The following AFF3 variants were observed in gnomAD, a reference collection of about 807,000 sequenced individuals.
AFF3 encodes the protein ALF transcription elongation factor 3.
In AFF3, 32 loss-of-function variants were observed where a neutral mutation model predicts 129.7. The observed-to-expected ratio is 0.25, with a 90% CI of 0.19 to 0.33. The LOEUF (loss-of-function observed/expected upper bound fraction) is 0.33. AFF3 is among the 10% of genes least tolerant of loss of function. The probability of loss-of-function intolerance (pLI) is 1.00; values close to 1 mark genes in which losing one functional copy is unlikely to be tolerated. For synonymous variants in AFF3, 644 were observed against 635.4 expected, an observed-to-expected ratio of 1.01 and a Z score of -0.20; for missense variants, 1,373 against 1,592.0, an observed-to-expected ratio of 0.86 and a Z score of 2.34.
intron 7 of AFF3, among the ~76,000 whole-genome samples, chr2:99,864,640 G>C (rs941408050): frequency 1.3e-5 from 2 of 152,138 alleles, no homozygotes; most frequent in African/African-American, 2.4e-5. Flanking sequence ...GAAACACTCT[G>C]CTGCGACTGG....
At chr2:99,720,253 G>A (rs1678775285) in intron 11 of AFF3, among the ~76,000 whole-genome samples, 2 of 152,132 alleles carry the variant, frequency 1.3e-5, no homozygotes. Flanking sequence ...GGCCCAGAGG[G>A]TGGTGTCTGG....
rs1676739670 is a variant in AFF3, at chr2:99,700,438, C to T, written c.1091+26639G>A. Among the ~76,000 whole-genome samples, 4 of 152,174 alleles carry T rather than the reference C, an allele frequency of 2.6e-5. No individual in the cohort carries two copies. In the South Asian group the frequency reaches 6.2e-4, roughly 24 times the overall value. On this transcript the variant is annotated intron_variant, in intron 11 of 24. Coordinates refer to ENST00000672756, the MANE Select transcript of AFF3 (RefSeq NM_001386135.1). ...CTGGCCAAAGCCTCTGTTTTATTGG[C>T]TTCTCTTTGGTGCTCAAAATTCCCA... is the stretch of plus-strand genomic sequence containing the variant.
intron 10 of AFF3, among the ~76,000 whole-genome samples, chr2:99,739,147 G>T (rs1262752752): frequency 1.3e-5 from 2 of 151,744 alleles, no homozygotes; most frequent in Non-Finnish European, 2.9e-5. Flanking sequence ...ATGGCCAGGT[G>T]TTCCCATCAC....
chr2:99,628,207 GT>G (rs1226718997), intron 13 of AFF3, among the ~76,000 whole-genome samples: 3 of 152,164 alleles, frequency 2.0e-5, no homozygotes, highest in Admixed American at 2.0e-4. Context: ...AGCATAAAAT[GT>G]TTATTCATTT....
At chr2:100,105,222 C>T in intron 3 of AFF3, 2 of 894,094 alleles carry the variant, frequency 2.2e-6, no homozygotes, top group South Asian at 4.0e-5. Context: ...ATCCACTTGA[C>T]CCTGCTGGGC....
chr2:100,119,615 A>G (rs1298774894), intron 2 of AFF3, among the ~76,000 whole-genome samples: 1 of 152,272 alleles, frequency 6.6e-6, no homozygotes, highest in African/African-American at 2.4e-5. Flanking sequence ...GAGTGTTAAT[A>G]AAGTGGCAGG....
chr2:99,894,726 C>A (rs1226080147), intron 7 of AFF3, among the ~76,000 whole-genome samples: 1 of 152,064 alleles, frequency 6.6e-6, no homozygotes, highest in Admixed American at 6.5e-5. Flanking sequence ...CCGCCTACCT[C>A]GGCCTCCCAA....
intron 8 of AFF3, among the ~76,000 whole-genome samples, chr2:99,775,225 C>T (rs1362577663): frequency 6.6e-6 from 1 of 152,148 alleles, no homozygotes; most frequent in Non-Finnish European, 1.5e-5. Flanking sequence ...CCCAGCAATC[C>T]CATTACTGGG....
intron 4 of AFF3, among the ~76,000 whole-genome samples, chr2:100,074,471 G>A (rs1291012223): frequency 2.0e-5 from 3 of 152,222 alleles, no homozygotes; most frequent in Non-Finnish European, 4.4e-5. Context: ...TTGCACTTAC[G>A]TATATTTATA....
intron 7 of AFF3, among the ~76,000 whole-genome samples, chr2:99,924,085 C>T (rs1696054775): frequency 6.6e-6 from 1 of 152,102 alleles, no homozygotes; most frequent in Non-Finnish European, 1.5e-5. Flanking sequence ...GACATTTCTC[C>T]AACTTAAGCT....
chr2:99,587,418 G>C (rs937466710), intron 15 of AFF3, 140 bp from the exon 16 acceptor site: 26 of 945,588 alleles, frequency 2.7e-5, no homozygotes, highest in African/African-American at 5.0e-5. Context: ...GAGCAGCTGT[G>C]CCCCTGCCAT....
chr2:99,663,005 G>A (rs1686378572), intron 12 of AFF3, among the ~76,000 whole-genome samples: 1 of 152,150 alleles, frequency 6.6e-6, no homozygotes, highest in South Asian at 2.1e-4. Flanking sequence ...CTGATCCTGA[G>A]AAGAAAAATG....
At chr2:100,060,019 T>G (rs1425334218) in intron 4 of AFF3, among the ~76,000 whole-genome samples, 2 of 152,154 alleles carry the variant, frequency 1.3e-5, no homozygotes, top group Non-Finnish European at 2.9e-5. Context: ...TCCACTCGTG[T>G]GCAGTTAGAG....
chr2:99,558,061 G>A (rs944786797), intron 22 of AFF3, among the ~76,000 whole-genome samples: 1 of 152,114 alleles, frequency 6.6e-6, no homozygotes, highest in Non-Finnish European at 1.5e-5. Flanking sequence ...AGTAAAAGGT[G>A]GCATGGTTTG....
intron 4 of AFF3, chr2:100,011,616 C>G (rs776070837): frequency 1.3e-6 from 1 of 779,838 alleles, no homozygotes; most frequent in Non-Finnish European, 2.4e-6. Context: ...CACTTTAAAC[C>G]TGATTAGCCT....
In AFF3 at chr2:100,007,267, G is replaced by A. The variant is rs750894063; in HGVS notation, c.368C>T (p.Ser123Leu). 3.3e-5 allele frequency: 53 copies of A among 1,614,018 alleles called. No individual in the cohort carries two copies. In the Middle Eastern group the frequency reaches 4.9e-4, roughly 15 times the overall value. The stretch of plus-strand genomic sequence containing the variant: ...GGAAGTTGTAGTGCTACAGATAGAC[G>A]AGGGCTGGTTCTGGGCTCTTGAATC... ...VADSRAQNQP[S>L]SICSTTTSTP... The change falls in exon 6 of 25, where the codon TCG becomes TTG. Residue 123 changes from serine (S) to leucine (L), a missense_variant. This residue lies in a region of AFF3 where 255 missense variants were observed against 256.0 expected (regional missense o/e 1.00). Coordinates refer to ENST00000672756, the MANE Select transcript of AFF3 (RefSeq NM_001386135.1).
intron 7 of AFF3, among the ~76,000 whole-genome samples, chr2:99,899,147 A>G (rs1233597975): frequency 6.6e-6 from 1 of 152,226 alleles, no homozygotes; most frequent in East Asian, 1.9e-4. Flanking sequence ...TACTGAATAG[A>G]TAAGAAAACA....
intron 4 of AFF3, among the ~76,000 whole-genome samples, chr2:100,039,454 A>C (rs1328644776): frequency 6.6e-6 from 1 of 152,088 alleles, no homozygotes; most frequent in Non-Finnish European, 1.5e-5. Flanking sequence ...GCTACTTGCG[A>C]GGCTGAGGCA....
chr2:99,738,307 C>T (rs1034229177), intron 10 of AFF3, among the ~76,000 whole-genome samples: 2 of 151,896 alleles, frequency 1.3e-5, no homozygotes, highest in Admixed American at 1.3e-4. Flanking sequence ...TATTTTCCAT[C>T]TGTGTTTTGC....
Sources: gnomAD v4.1 joint callset for allele counts (sites outside exome capture counted in the v4.1 genomes callset) on GRCh38, gnomAD v4.1.1 for gene constraint, gnomAD v4.1.1 regional missense constraint, MANE v1.5 for transcripts, NCBI Gene and HGNC (gene_info 2026-07-23, HGNC 2026-07-21) for gene names.